Variants in MGAM observed in about 807,000 individuals in gnomAD.
The protein encoded by MGAM is alpha-1,4-glucosidase.
In MGAM, 253 loss-of-function variants were observed where a neutral mutation model predicts 358.8. That is an observed-to-expected ratio of 0.71 (90% CI 0.64 to 0.78). The LOEUF is 0.78. MGAM is among the 30% of genes least tolerant of loss of function. The pLI is 0.00. For synonymous variants in MGAM, 1,105 were observed against 1,227.1 expected (o/e 0.90, Z 2.08); for missense variants, 3,080 against 3,432.6 (o/e 0.90, Z 2.57).
intron 29 of MGAM, among the ~76,000 whole-genome samples, chr7:142,056,357 G>T (rs554425346): frequency 1.3e-5 from 2 of 152,282 alleles, no homozygotes; most frequent in East Asian, 1.9e-4. Flanking sequence ...ATCCTGGAGG[G>T]CAGCTCGTGA....
chr7:142,015,888 A>G (rs1196117092), intron 3 of MGAM, among the ~76,000 whole-genome samples: 1 of 152,122 alleles, frequency 6.6e-6, no homozygotes, highest in Non-Finnish European at 1.5e-5. Context: ...AATTCAAATG[A>G]TTATATGGTA....
At position 142,102,523 on chromosome 7, in the gene MGAM, T is replaced by C. The variant is rs1211882411; in HGVS notation, c.7964-107T>C. The C allele has an allele frequency of 1.2e-5, 13 of 1,045,096 alleles. No individual in the cohort carries two copies. In the East Asian group the frequency reaches 3.1e-4, roughly 25 times the overall value. The allele number at this position is 1,045,096 out of a possible 1,614,324, so 64.7% of individuals were successfully genotyped here. A position where few individuals can be genotyped will look rare whatever the true frequency, so the allele number is the denominator to read the frequency against. On this transcript the variant is annotated intron_variant, in intron 68 of 70. Transcript: ENST00000475668. The stretch of plus-strand genomic sequence containing the variant: ...AAATAAAAACAAAGATAAGCCTTAC[T>C]CTCTCAAACAAGACAAGTAGGCAAT...
rs1332086297 is a variant in MGAM, at chr7:142,038,603, A to G, written c.2304A>G (p.Pro768=). The change falls in exon 19 of 71, where the codon CCA becomes CCG. Residue 768 remains proline (P), a synonymous_variant. Coordinates refer to ENST00000475668, the MANE Select transcript of MGAM (RefSeq NM_001365693.1). ...FLWGPGLLIT[P]VLDEGAEKVM... ...GGGGGCCCGGCCTCCTCATCACTCC[A>G]GTTCTGGATGAAGTAAGTGTTCCCA... 3 of 1,609,450 alleles carry G rather than the reference A, an allele frequency of 1.9e-6. No homozygotes were observed. Among genetic ancestry groups the G allele is most frequent in the Middle Eastern group, 1.7e-4 (1 of 6,038 alleles).
At position 142,066,692 on chromosome 7, in the gene MGAM, C is replaced by T. The variant is rs531387144; in HGVS notation, c.4890C>T (p.Gly1630=). 1.2e-5 allele frequency: 19 copies of T among 1,555,974 alleles called. 3 individuals are homozygous for T. The highest frequency in any genetic ancestry group is 8.1e-5 in the African/African-American group (6 of 74,524). The change falls in exon 41 of 71, where the codon GGC becomes GGT. Residue 1630 remains glycine, a synonymous_variant. Coordinates refer to ENST00000475668, the MANE Select transcript of MGAM (RefSeq NM_001365693.1). Reference sequence around the variant, plus strand: ...TGATGCAAAAGGCCCACACGGAGGGCGTCACTGTTGTGCGGCCTCTGCTCC... The same window carrying T: ...TGATGCAAAAGGCCCACACGGAGGGTGTCACTGTTGTGCGGCCTCTGCTCC... ...YTLMQKAHTE[G]VTVVRPLLHE... is the part of the protein sequence containing the mutation.
rs974400550 is a variant in MGAM at position 142,090,466 on chromosome 7, G to T, written c.6811-1447G>T. ...TTCTACCTCCATTTCCTAACAAAAGGCATCCCTGGCATGCCCACTTCTGTC... is the reference window on the plus strand; with the variant it reads ...TTCTACCTCCATTTCCTAACAAAAGTCATCCCTGGCATGCCCACTTCTGTC... On this transcript the variant is annotated intron_variant, in intron 57 of 70. Transcript: ENST00000475668. Among the ~76,000 whole-genome samples, 7 of 145,504 alleles carry T rather than the reference G, an allele frequency of 4.8e-5. 1 individual carries two copies. The highest frequency in any genetic ancestry group is 1.4e-4 in the Admixed American group (2 of 14,430).
chr7:142,038,882 T>C (rs777617453), intron 19 of MGAM, among the ~76,000 whole-genome samples: 2 of 152,178 alleles, frequency 1.3e-5, no homozygotes, highest in Non-Finnish European at 2.9e-5. Flanking sequence ...TAGGTTGTTC[T>C]TGCATTGCTA....
At chr7:142,080,688 A>C (rs574548133) in intron 49 of MGAM, 103 bp from the exon 50 acceptor site, 2 of 1,057,092 alleles carry the variant, frequency 1.9e-6, no homozygotes, top group African/African-American at 3.0e-5. Flanking sequence ...AAGAAGACAG[A>C]AACATAGCAT....
chr7:142,092,155 G>A (rs1815446485), intron 58 of MGAM, 108 bp downstream of exon 58: 1 of 1,383,682 alleles, frequency 7.2e-7, no homozygotes, highest in Non-Finnish European at 9.8e-7. Context: ...GTCCAAGGAA[G>A]ACTTTGGACA....
At chr7:142,044,225 CAT>C (rs1434369264) in intron 21 of MGAM, among the ~76,000 whole-genome samples, 1 of 55,604 alleles carries the variant, frequency 1.8e-5, no homozygotes, top group African/African-American at 3.7e-5. Flanking sequence ...ACACATACGA[CAT>C]ATAATATATA....
intron 29 of MGAM, 144 bp from the exon 30 acceptor site, chr7:142,056,686 C>T: frequency 1.4e-6 from 1 of 719,948 alleles, no homozygotes; most frequent in East Asian, 2.7e-5. Context: ...TGATCTTCTT[C>T]AGTTCTGTGA....
At chr7:142,067,584 T>C (rs1163460598) in intron 42 of MGAM, among the ~76,000 whole-genome samples, 159 bp downstream of exon 42, 1 of 116,506 alleles carries the variant, frequency 8.6e-6, no homozygotes, top group African/African-American at 2.5e-5. Flanking sequence ...ATCACTTAGG[T>C]GTTCTTGGCA....
chr7:142,095,484 T>C, intron 63 of MGAM, 81 bp from the exon 64 acceptor site: 1 of 1,586,962 alleles, frequency 6.3e-7, no homozygotes, highest in Non-Finnish European at 8.6e-7. Flanking sequence ...GATCTTCAAT[T>C]GGAGTATGCT....
At chr7:142,097,984 GT>G (rs1816095106) in intron 66 of MGAM, among the ~76,000 whole-genome samples, 1 of 152,198 alleles carries the variant, frequency 6.6e-6, no homozygotes, top group African/African-American at 2.4e-5. Flanking sequence ...GCAAACTATA[GT>G]TTTTGTTTTT....
At chr7:142,001,286 C>A (rs1316918570) in intron 1 of MGAM, among the ~76,000 whole-genome samples, 1 of 152,128 alleles carries the variant, frequency 6.6e-6, no homozygotes, top group African/African-American at 2.4e-5. Flanking sequence ...AGTAAGAGGG[C>A]ATTACGTTGA....
chr7:142,088,460 TGTAC>T (rs558163123), intron 57 of MGAM, among the ~76,000 whole-genome samples: 1 of 144,668 alleles, frequency 6.9e-6, no homozygotes, highest in South Asian at 2.2e-4. Flanking sequence ...TATGTATGTA[TGTAC>T]GTATCTATCT....
intron 8 of MGAM, among the ~76,000 whole-genome samples, chr7:142,025,374 C>T (rs1374529987): frequency 6.6e-6 from 1 of 152,108 alleles, no homozygotes; most frequent in Non-Finnish European, 1.5e-5. Context: ...AATCTGGTGG[C>T]CTCTGTTGGA....
chr7:142,062,390 A>C (rs1044116754), intron 34 of MGAM, among the ~76,000 whole-genome samples, 178 bp from the exon 35 acceptor site: 21 of 152,192 alleles, frequency 1.4e-4, no homozygotes, highest in African/African-American at 4.3e-4. Context: ...TGCAAATTGC[A>C]CTAATTTCTC....
intron 7 of MGAM, among the ~76,000 whole-genome samples, chr7:142,024,050 C>A (rs1806718725): frequency 6.6e-6 from 1 of 152,006 alleles, no homozygotes; most frequent in Admixed American, 6.6e-5. Flanking sequence ...CCTGGTGAAA[C>A]CCTGTCTCTA....
intron 2 of MGAM, among the ~76,000 whole-genome samples, chr7:142,006,128 C>A (rs1413442020): frequency 1.3e-5 from 2 of 151,964 alleles, no homozygotes; most frequent in Non-Finnish European, 2.9e-5. Flanking sequence ...CCATTTAGTC[C>A]ATCCATAAGA....
Sources: allele counts gnomAD v4.1 joint callset (sites outside exome capture counted in the v4.1 genomes callset), GRCh38; gene constraint gnomAD v4.1.1; transcripts MANE v1.5; gene names NCBI Gene and HGNC (gene_info 2026-07-23, HGNC 2026-07-21).